SLC25A29: variants seen among roughly 807,000 people sequenced by gnomAD.
SLC25A29 encodes the protein solute carrier family 25 member 29, also known as mitochondrial basic amino acids transporter.
SLC25A29 carries 13 observed loss-of-function variants against 10.0 expected under a neutral mutation model. That is an observed-to-expected ratio of 1.30 (90% CI 0.85 to 2.07). The LOEUF is 2.07. Among genes scored for constraint, SLC25A29 ranks in the 30% most tolerant of loss-of-function variants. SLC25A29 has a pLI of 0.00. For missense variants in SLC25A29, 475 were observed against 447.6 expected (o/e 1.06, Z -0.55); for synonymous variants, 244 against 221.1 (o/e 1.10, Z -0.92).
chr14:100,294,846 G>T (rs1892028114), intron 2 of SLC25A29: 1 of 152,224 alleles, frequency 6.6e-6, no homozygotes, highest in Admixed American at 6.5e-5. Flanking sequence ...GACCTCAACA[G>T]CTGGAAGCCA....
intron 1 of SLC25A29, among the ~76,000 whole-genome samples, chr14:100,301,802 GC>G (rs1412008774): frequency 2.6e-5 from 4 of 151,836 alleles, no homozygotes; most frequent in Non-Finnish European, 4.4e-5. Flanking sequence ...GAGCCACCAC[GC>G]CCGGCACTTC....
Position 100,292,340 on chromosome 14 carries a change from GC to G in SLC25A29, c.854del (p.Gly285AlafsTer62). The G allele has an allele frequency of 6.7e-7, 1 of 1,493,440 alleles. No individual in the cohort carries two copies. The allele number at this position is 1,493,440 out of a possible 1,614,324, so 92.5% of individuals were successfully genotyped here. On this transcript the variant is annotated frameshift_variant, in exon 4 of 4. Transcript: ENST00000359232. LOFTEE classifies it high-confidence loss of function. ...CCGCAGGGGCGGCGGGCACAGCCTCGCCCTCGGGCCCGGCCTCCTCGCCGCG... is the reference window on the plus strand; with the variant it reads ...CCGCAGGGGCGGCGGGCACAGCCTCGCCTCGGGCCCGGCCTCCTCGCCGCG... ...YARGEEAGPEGEAVPAAPAGP... is the reference protein window; with the variant it reads ...YARGEEAGPEXEAVPAAPAGP...
chr14:100,296,131 C>T (rs1892131559), intron 2 of SLC25A29: 4 of 906,374 alleles, frequency 4.4e-6, no homozygotes, highest in African/African-American at 1.8e-5. Flanking sequence ...AAAAGGGACC[C>T]GTGGTGTTGG....
intron 2 of SLC25A29, among the ~76,000 whole-genome samples, chr14:100,296,759 C>T (rs1295296291): frequency 2.6e-5 from 4 of 152,058 alleles, no homozygotes; most frequent in East Asian, 1.9e-4. Flanking sequence ...CCACCACGCC[C>T]GGCTAATTTT....
At chr14:100,286,289 A>G (rs892545055), downstream of SLC25A29, among the ~76,000 whole-genome samples, 2 of 151,896 alleles carry the variant, frequency 1.3e-5, no homozygotes, top group African/African-American at 4.8e-5. Flanking sequence ...TAAACAAGAA[A>G]CCGGCCAGTA....
At chr14:100,298,224 C>T (rs34135784) in intron 2 of SLC25A29, 1,883 of 156,896 alleles carry the variant, frequency 0.012, 16 homozygotes, top group South Asian at 0.019. Context: ...GGAAGGGCCC[C>T]GCTGGGCTAC....
chr14:100,287,633 C>T (rs1265717017), downstream of SLC25A29, among the ~76,000 whole-genome samples: 3 of 101,746 alleles, frequency 2.9e-5, no homozygotes, highest in Non-Finnish European at 6.5e-5. Flanking sequence ...GCACCACCCC[C>T]CCCCTCCGAA....
At chr14:100,284,730 G>A in the SLC25A29 span, among the ~76,000 whole-genome samples, 1 of 152,182 alleles carries the variant, frequency 6.6e-6, no homozygotes, top group African/African-American at 2.4e-5. Context: ...GAGGAAGGAG[G>A]ATAAGGCTGT....
the SLC25A29 span, among the ~76,000 whole-genome samples, chr14:100,283,906 C>G: frequency 1.1e-4 from 17 of 151,012 alleles, 2 homozygotes; most frequent in East Asian, 1.4e-3. Context: ...TGGTAAGAGA[C>G]AGGGTCTTGC....
Position 100,292,524 on chromosome 14 carries a change from C to T in SLC25A29, c.671G>A (p.Gly224Asp), listed in dbSNP as rs760411122. Residue 224 changes from glycine (G) to aspartate (D), a missense_variant, in exon 4 of 4, where the codon GGC (glycine) becomes GAC (aspartate). Transcript: ENST00000359232. ...KSRLQADGLR[G>D]APRYRGILDC... is the part of the protein sequence containing the mutation. Reference sequence around the variant, plus strand: ...CAGGATGCCGCGGTAGCGCGGGGCGCCCCGCAGTCCGTCCGCCTGCAGCCG... The same window carrying T: ...CAGGATGCCGCGGTAGCGCGGGGCGTCCCGCAGTCCGTCCGCCTGCAGCCG... The T allele has an allele frequency of 1.3e-6, 2 of 1,592,320 alleles. No homozygotes were observed. Among genetic ancestry groups the T allele is most frequent in the South Asian group, 1.1e-5 (1 of 88,584 alleles).
chr14:100,287,639 C>G (rs1348591819), downstream of SLC25A29, among the ~76,000 whole-genome samples: 1 of 49,016 alleles, frequency 2.0e-5, no homozygotes, highest in African/African-American at 7.8e-5. Context: ...CCCCCCCCCT[C>G]CGAATTCCTG....
chr14:100,287,628 A>ACCCCCCCC (rs1171229559), downstream of SLC25A29, among the ~76,000 whole-genome samples: 8 of 62,198 alleles, frequency 1.3e-4, no homozygotes, highest in Admixed American at 1.8e-4. Flanking sequence ...CTGGAGCACC[A>ACCCCCCCC]CCCCCCCCCT....
intron 1 of SLC25A29, among the ~76,000 whole-genome samples, chr14:100,303,998 C>T (rs1267403632): frequency 1.3e-5 from 2 of 152,170 alleles, no homozygotes; most frequent in Non-Finnish European, 2.9e-5. Context: ...GAGGGGGAGG[C>T]ATTCCAAACC....
chr14:100,290,594 G>C (rs1055029708), downstream of SLC25A29, among the ~76,000 whole-genome samples: 1 of 152,248 alleles, frequency 6.6e-6, no homozygotes, highest in Non-Finnish European at 1.5e-5. Context: ...GCCAAGGGCT[G>C]ACTCCAGGAG....
At chr14:100,290,331 C>T (rs1891635912), downstream of SLC25A29, among the ~76,000 whole-genome samples, 1 of 152,212 alleles carries the variant, frequency 6.6e-6, no homozygotes, top group Admixed American at 6.5e-5. Flanking sequence ...TTCCCCCATC[C>T]CTGGGAGCTT....
Position 100,291,181 on chromosome 14 carries a change from C to T in SLC25A29, c.*1102G>A, listed in dbSNP as rs1891663523. On this transcript the variant is annotated 3_prime_UTR_variant, in exon 4 of 4. Transcript: ENST00000359232. ...TACAGCGACACCAGGCTGTGCAAAG[C>T]CCAGTGTCGTCTTCACTGAGCACAT... The T allele has an allele frequency of 6.6e-6, 1 of 152,282 alleles. No individual in the cohort carries two copies. Among genetic ancestry groups the T allele is most frequent in the Admixed American group, 6.5e-5 (1 of 15,286 alleles). The allele number at this position is 152,282 out of a possible 1,614,324, so 9.4% of individuals were successfully genotyped here. A position where few individuals can be genotyped will look rare whatever the true frequency, so the allele number is the denominator to read the frequency against.
intron 1 of SLC25A29, among the ~76,000 whole-genome samples, chr14:100,303,326 TGAAGCTA>T (rs757786251): frequency 9.9e-5 from 15 of 152,216 alleles, no homozygotes; most frequent in Admixed American, 2.0e-4. Context: ...CCATGTCCCT[TGAAGCTA>T]GGTCCAGCTG....
chr14:100,281,432 G>C, the SLC25A29 span: 3 of 152,142 alleles, frequency 2.0e-5, no homozygotes, highest in African/African-American at 7.2e-5. Flanking sequence ...ACCCTCGGCT[G>C]TAGGGGGCAC....
At chr14:100,288,382 C>CAAAAAAAAAAAAAA (rs541814439), downstream of SLC25A29, among the ~76,000 whole-genome samples, 1 of 63,832 alleles carries the variant, frequency 1.6e-5, no homozygotes, top group Admixed American at 2.3e-4. Flanking sequence ...AACTCTATCT[C>CAAAAAAAAAAAAAA]AAAAAAAAAA....
Sources: allele counts gnomAD v4.1 joint callset (sites outside exome capture counted in the v4.1 genomes callset), GRCh38; gene constraint gnomAD v4.1.1; transcripts MANE v1.5; gene names NCBI Gene and HGNC (gene_info 2026-07-23, HGNC 2026-07-21).